Variants in DEFB4B observed in about 807,000 individuals in gnomAD.
The protein encoded by DEFB4B is defensin beta 4B.
At chr8:7,415,439 T>C (rs1488318798) in intron 1 of DEFB4B, among the ~76,000 whole-genome samples, 1 of 151,344 alleles carries the variant, frequency 6.6e-6, no homozygotes, top group Non-Finnish European at 1.5e-5. Flanking sequence ...CACAAGAAGA[T>C]AATATCAAAG....
At chr8:7,415,851 T>G (rs186629419) in intron 1 of DEFB4B, among the ~76,000 whole-genome samples, 2,339 of 147,704 alleles carry the variant, frequency 0.016, 34 homozygotes, top group East Asian at 0.15. Context: ...AGAACCCCAT[T>G]GTTCTCACAA....
At chr8:7,415,774 T>TGCCTCCCG (rs1808823213) in intron 1 of DEFB4B, among the ~76,000 whole-genome samples, 1 of 135,734 alleles carries the variant, frequency 7.4e-6, no homozygotes, top group African/African-American at 2.7e-5. Context: ...CCTGCCTCCC[T>TGCCTCCCG]GCCTCCCCGC....
At chr8:7,416,406 G>C (rs1232835253) in intron 1 of DEFB4B, among the ~76,000 whole-genome samples, 1 of 151,792 alleles carries the variant, frequency 6.6e-6, no homozygotes, top group Non-Finnish European at 1.5e-5. Flanking sequence ...AAGCTACTGG[G>C]CTCCTTCATA....
At chr8:7,416,554 GAC>G (rs1384010742) in intron 1 of DEFB4B, among the ~76,000 whole-genome samples, 1 of 150,634 alleles carries the variant, frequency 6.6e-6, no homozygotes, top group African/African-American at 2.5e-5. Context: ...AAGAAAGAAA[GAC>G]ATGCTCTAGG....
At chr8:7,415,387 T>C (rs372504789) in intron 1 of DEFB4B, among the ~76,000 whole-genome samples, 1 of 151,354 alleles carries the variant, frequency 6.6e-6, no homozygotes, top group Admixed American at 6.6e-5. Context: ...AGGTGGGGTC[T>C]GGTAGGAGCT....
intron 1 of DEFB4B, 55 bp from the exon 2 acceptor site, chr8:7,415,152 CAT>C (rs1285853282): frequency 1.4e-6 from 1 of 713,900 alleles, no homozygotes; most frequent in African/African-American, 1.9e-5. Flanking sequence ...ACTCAAAACT[CAT>C]GTTGGAAAAA....
At chr8:7,415,382 G>C (rs1469611506) in intron 1 of DEFB4B, among the ~76,000 whole-genome samples, 1 of 151,348 alleles carries the variant, frequency 6.6e-6, no homozygotes, top group African/African-American at 2.4e-5. Context: ...CCTCCAGGTG[G>C]GGTCTGGTAG....
At chr8:7,415,689 A>ATCCCTCTCTCCCTCCCTCCCTCCCTCCC in intron 1 of DEFB4B, among the ~76,000 whole-genome samples, 1 of 67,366 alleles carries the variant, frequency 1.5e-5, no homozygotes. Flanking sequence ...TTCTTTTTTT[A>ATCCCTCTCTCCCTCCCTCCCTCCCTCCC]TCCCTCCCTC....
chr8:7,416,836 G>A lies in DEFB4B; in HGVS notation c.-9C>T, dbSNP rs2128863215. On this transcript the variant is annotated 5_prime_UTR_variant, in exon 1 of 2. Transcript: ENST00000318157. ...AGATACAAGACCCTCATGGCTGATG[G>A]CTGGGAGCTTCACCAGGAGCTGAGT... 3 of 828,444 alleles carry A rather than the reference G, an allele frequency of 3.6e-6. 1 individual carries two copies. In the Admixed American group the frequency reaches 9.6e-5, roughly 27 times the overall value. The allele number at this position is 828,444 out of a possible 1,614,324, so 51.3% of individuals were successfully genotyped here. A position where few individuals can be genotyped will look rare whatever the true frequency, so the allele number is the denominator to read the frequency against.
In DEFB4B at chr8:7,415,782, C is replaced by T. The variant is rs750645533; in HGVS notation, c.59-685G>A. Among the ~76,000 whole-genome samples, 171 of 132,550 alleles carry T rather than the reference C, an allele frequency of 1.3e-3. 3 individuals carry two copies. In the East Asian group the frequency reaches 0.018, roughly 14 times the overall value. 87.0% of individuals were successfully genotyped at this position (132,550 alleles called of 152,430 possible). ...CTGCCTCCCTGCCTCCCTGCCTCCC[C>T]GCCTTCCTTCATTATACTGTTCTAG... On this transcript the variant is annotated intron_variant, in intron 1 of 1. Coordinates refer to ENST00000318157, the MANE Select transcript of DEFB4B (RefSeq NM_001205266.2).
intron 1 of DEFB4B, among the ~76,000 whole-genome samples, chr8:7,415,883 A>G (rs552110234): frequency 6.7e-6 from 1 of 148,802 alleles, no homozygotes; most frequent in Admixed American, 6.8e-5. Flanking sequence ...CATAAATAAG[A>G]TTGGTAAAAT....
At chr8:7,415,697 C>CTCCCTCCCTCCCTCCCTCCT (rs1808811527) in intron 1 of DEFB4B, among the ~76,000 whole-genome samples, 1 of 112,566 alleles carries the variant, frequency 8.9e-6, no homozygotes, top group Non-Finnish European at 1.8e-5. Flanking sequence ...TTATCCCTCC[C>CTCCCTCCCTCCCTCCCTCCT]TCCCTCCCTC....
chr8:7,415,687 T>G (rs567676356), intron 1 of DEFB4B, among the ~76,000 whole-genome samples: 1,188 of 101,800 alleles, frequency 0.012, 5 homozygotes, highest in African/African-American at 0.041. Flanking sequence ...TCTTCTTTTT[T>G]TATCCCTCCC....
At chr8:7,415,619 T>C (rs984138479) in intron 1 of DEFB4B, among the ~76,000 whole-genome samples, 2 of 151,078 alleles carry the variant, frequency 1.3e-5, no homozygotes, top group African/African-American at 4.9e-5. Context: ...CAATTAACCA[T>C]AGAAATAAAT....
At chr8:7,416,520 T>C (rs1172632145) in intron 1 of DEFB4B, among the ~76,000 whole-genome samples, 1 of 150,586 alleles carries the variant, frequency 6.6e-6, no homozygotes, top group African/African-American at 2.5e-5. Context: ...AGTCTAAAAG[T>C]GTGGGTAGAA....
chr8:7,415,708 C>CTT lies in DEFB4B; in HGVS notation c.59-612_59-611insAA, dbSNP rs1260310922. Among the ~76,000 whole-genome samples, 1,004 of 121,022 alleles carry CTT rather than the reference C, an allele frequency of 8.3e-3. 4 individuals are homozygous for CTT. Among genetic ancestry groups the CTT allele is most frequent in the African/African-American group, 0.03 (940 of 31,266 alleles). The allele number at this position is 121,022 out of a possible 152,430, so 79.4% of individuals were successfully genotyped here. On this transcript the variant is annotated intron_variant, in intron 1 of 1. Transcript: ENST00000318157. ...TTTTTTATCCCTCCCTCCCTCCCTC[C>CTT]CTCCCTCCCTCCCTCCTTCCCTCCC... is the stretch of plus-strand genomic sequence containing the variant.
intron 1 of DEFB4B, among the ~76,000 whole-genome samples, chr8:7,416,152 A>G (rs1405420855): frequency 1.3e-5 from 2 of 150,810 alleles, no homozygotes; most frequent in Non-Finnish European, 3.0e-5. Flanking sequence ...TGATCAGAAA[A>G]GTCCTGGGGG....
Sources: gnomAD v4.1 joint callset for allele counts (sites outside exome capture counted in the v4.1 genomes callset) on GRCh38, gnomAD v4.1.1 for gene constraint, MANE v1.5 for transcripts, NCBI Gene and HGNC (gene_info 2026-07-23, HGNC 2026-07-21) for gene names.